SEMA3A: variants seen among roughly 807,000 people sequenced by gnomAD.
The protein encoded by SEMA3A is semaphorin-3A.
A neutral mutation model predicts 97.9 loss-of-function variants in SEMA3A; 29 were observed. The observed-to-expected ratio is 0.30, with a 90% CI of 0.22 to 0.40. The LOEUF (loss-of-function observed/expected upper bound fraction) is 0.40, where lower values mean the gene tolerates loss of function less well. Among genes scored for constraint, SEMA3A ranks in the 10% least tolerant of loss-of-function variants. The probability of loss-of-function intolerance (pLI) is 1.00; values close to 1 mark genes in which losing one functional copy is unlikely to be tolerated. For synonymous variants in SEMA3A, 321 were observed against 323.7 expected (o/e 0.99, Z 0.09); for missense variants, 763 against 951.3 (o/e 0.80, Z 2.60).
intron 16 of SEMA3A, among the ~76,000 whole-genome samples, chr7:83,962,282 A>C (rs1012067843): frequency 2.0e-5 from 3 of 152,120 alleles, no homozygotes; most frequent in African/African-American, 7.2e-5. Context: ...CAAGCAGAAC[A>C]TTTCATGCTT....
intron 3 of SEMA3A, among the ~76,000 whole-genome samples, chr7:84,255,650 T>A (rs1799701674): frequency 6.6e-6 from 1 of 152,222 alleles, no homozygotes; most frequent in Middle Eastern, 3.4e-3. Context: ...ATATTTCCAT[T>A]GATTGCAAAA....
At chr7:84,091,172 GAAAGAAAGAAA>G (rs1794572075) in intron 4 of SEMA3A, among the ~76,000 whole-genome samples, 1,461 of 36,360 alleles carry the variant, frequency 0.04, 32 homozygotes, top group African/African-American at 0.094. Flanking sequence ...AGGAAGGAAA[GAAAGAAAGAAA>G]GAAAGAAAGA....
chr7:84,214,112 A>T (rs141328255), intron 3 of SEMA3A, among the ~76,000 whole-genome samples: 36 of 152,374 alleles, frequency 2.4e-4, no homozygotes, highest in African/African-American at 8.7e-4. Flanking sequence ...GCCCACAATA[A>T]GCCAGACATT....
intron 4 of SEMA3A, among the ~76,000 whole-genome samples, chr7:84,074,019 T>G (rs1334761398): frequency 6.6e-6 from 1 of 152,192 alleles, no homozygotes; most frequent in Admixed American, 6.5e-5. Flanking sequence ...TCTGAACATC[T>G]ACATTTACAT....
chr7:84,407,004 C>CCT (rs1347194532), intron 1 of SEMA3A, among the ~76,000 whole-genome samples: 1 of 152,078 alleles, frequency 6.6e-6, no homozygotes, highest in African/African-American at 2.4e-5. Flanking sequence ...ACAGGGATGC[C>CCT]CTCTCTCACC....
chr7:83,967,750 G>A (rs797809), intron 15 of SEMA3A, among the ~76,000 whole-genome samples: 3 of 152,002 alleles, frequency 2.0e-5, no homozygotes, highest in Non-Finnish European at 4.4e-5. Flanking sequence ...GCAAGACTCA[G>A]TCTCAAAACA....
chr7:84,318,325 T>TTG (rs1801562354), intron 2 of SEMA3A, among the ~76,000 whole-genome samples: 1 of 141,600 alleles, frequency 7.1e-6, no homozygotes, highest in Non-Finnish European at 1.5e-5. Context: ...TGGTTTTTTT[T>TTG]TTTTTTTTTT....
chr7:84,388,408 T>C (rs2116165460), intron 1 of SEMA3A, among the ~76,000 whole-genome samples: 1 of 152,214 alleles, frequency 6.6e-6, no homozygotes, highest in Admixed American at 6.5e-5. Context: ...GCATACCGTT[T>C]TAAAGCACAT....
chr7:84,123,282 G>A (rs542411920), intron 3 of SEMA3A, among the ~76,000 whole-genome samples: 3 of 152,128 alleles, frequency 2.0e-5, no homozygotes, highest in South Asian at 2.1e-4. Flanking sequence ...TGGGAGTAAC[G>A]GTGAATAACA....
At chr7:84,337,982 G>T (rs1316609281) in intron 2 of SEMA3A, among the ~76,000 whole-genome samples, 1 of 151,894 alleles carries the variant, frequency 6.6e-6, no homozygotes, top group Non-Finnish European at 1.5e-5. Flanking sequence ...CTTATCAAAG[G>T]TCTGACAAAA....
intron 2 of SEMA3A, among the ~76,000 whole-genome samples, chr7:84,320,835 A>ATC (rs1215776487): frequency 2.6e-5 from 4 of 152,242 alleles, no homozygotes; most frequent in African/African-American, 9.6e-5. Context: ...AGGTTGTCTA[A>ATC]TCTCTCTGTG....
Position 84,400,029 on chromosome 7 carries a change from C to G in SEMA3A, c.-245-28129G>C, listed in dbSNP as rs531139341. Among the ~76,000 whole-genome samples, 4 of 152,294 alleles carry G rather than the reference C, an allele frequency of 2.6e-5. No homozygotes were observed. The East Asian group carries it at 5.8e-4, about 22-fold the overall frequency. ...CTCATCTTCCTTATGCCCATCAGGG[C>G]TGGGCATTTAGGAGTCTGCAAGAGT... On this transcript the variant is annotated intron_variant, in intron 1 of 3. Coordinates refer to the SEMA3A transcript ENST00000424555.
chr7:84,104,445 T>C (rs913222999), intron 4 of SEMA3A, among the ~76,000 whole-genome samples: 2 of 152,124 alleles, frequency 1.3e-5, no homozygotes, highest in African/African-American at 2.4e-5. Context: ...CTGTCAAGTA[T>C]TATCAGTAAA....
At chr7:84,199,602 T>C (rs540414562), upstream of SEMA3A, among the ~76,000 whole-genome samples, 31 of 152,106 alleles carry the variant, frequency 2.0e-4, no homozygotes, top group Non-Finnish European at 3.5e-4. Context: ...TCATTAGTAT[T>C]TGAGAAAGGC....
At chr7:84,007,136 C>A (rs753563243) in intron 10 of SEMA3A, among the ~76,000 whole-genome samples, 6 of 152,018 alleles carry the variant, frequency 3.9e-5, no homozygotes, top group Non-Finnish European at 8.8e-5. Context: ...AGATTTATAT[C>A]TTATACTGAA....
intron 14 of SEMA3A, among the ~76,000 whole-genome samples, chr7:83,980,782 AATAAT>A (rs1789384096): frequency 1.3e-5 from 2 of 151,614 alleles, no homozygotes; most frequent in Admixed American, 6.6e-5. Flanking sequence ...GTGATGCTAT[AATAAT>A]ATAATAACAC....
intron 3 of SEMA3A, among the ~76,000 whole-genome samples, chr7:84,222,198 T>C (rs1175416728): frequency 2.0e-5 from 3 of 151,974 alleles, no homozygotes; most frequent in Admixed American, 1.3e-4. Context: ...GATCTAACAA[T>C]ATTTGAATTA....
intron 1 of SEMA3A, among the ~76,000 whole-genome samples, chr7:84,192,365 T>C (rs2116272050): frequency 6.6e-6 from 1 of 152,052 alleles, no homozygotes; most frequent in African/African-American, 2.4e-5. Context: ...CTCAGGCCAT[T>C]CCTTTTATTC....
chr7:84,161,054 A>G (rs1249446677), intron 1 of SEMA3A, among the ~76,000 whole-genome samples: 2 of 151,836 alleles, frequency 1.3e-5, no homozygotes, highest in Non-Finnish European at 2.9e-5. Flanking sequence ...GAAGAGGATA[A>G]TACTTTTTAT....
Sources: gnomAD v4.1 joint callset for allele counts (sites outside exome capture counted in the v4.1 genomes callset) on GRCh38, gnomAD v4.1.1 for gene constraint, MANE v1.5 for transcripts, NCBI Gene and HGNC (gene_info 2026-07-23, HGNC 2026-07-21) for gene names.